Variants in ST3GAL2 observed in about 807,000 individuals in gnomAD.
The protein encoded by ST3GAL2 is ST3 beta-galactoside alpha-2,3-sialyltransferase 2, also known as CMP-N-acetylneuraminate-beta-galactosamide-alpha-2,3-sialyltransferase 2.
Under a neutral mutation model 37.5 loss-of-function variants are expected in ST3GAL2, and 16 were observed. That is an observed-to-expected ratio of 0.43 (90% CI 0.29 to 0.65). The LOEUF (loss-of-function observed/expected upper bound fraction) is 0.65, where lower values mean the gene tolerates loss of function less well. Among genes scored for constraint, ST3GAL2 ranks in the 30% least tolerant of loss-of-function variants. ST3GAL2 has a pLI of 0.17. For missense variants in ST3GAL2, 383 were observed against 487.8 expected, an observed-to-expected ratio of 0.79 and a Z score of 2.02; for synonymous variants, 238 against 202.9, an observed-to-expected ratio of 1.17 and a Z score of -1.47.
At chr16:70,406,932 C>T (rs1317116394) in intron 1 of ST3GAL2, among the ~76,000 whole-genome samples, 3 of 152,006 alleles carry the variant, frequency 2.0e-5, no homozygotes, top group South Asian at 2.1e-4. Flanking sequence ...GAACAAAGGC[C>T]GGGAGCAGCA....
chr16:70,393,766 C>T (rs1343179552), intron 3 of ST3GAL2: 1 of 152,368 alleles, frequency 6.6e-6, no homozygotes, highest in South Asian at 2.1e-4. Context: ...CTCCCACTTG[C>T]ACCATTTCCC....
intron 1 of ST3GAL2, among the ~76,000 whole-genome samples, chr16:70,407,176 G>A (rs1030913933): frequency 6.7e-6 from 1 of 149,998 alleles, no homozygotes; most frequent in Non-Finnish European, 1.5e-5. Flanking sequence ...AGTCTCACTC[G>A]GTTGCCCAGG....
chr16:70,389,202 CAAAAAAAAAAAAAAAAAAAAAAAAAA>C (rs1160368910), intron 3 of ST3GAL2, among the ~76,000 whole-genome samples: 487 of 27,394 alleles, frequency 0.018, 12 homozygotes, highest in Middle Eastern at 0.045. Context: ...CCCATCTCTA[CAAAAAAAAAAAAAAAAAAAAAAAAAA>C]AAAAAAAAAA....
intron 1 of ST3GAL2, among the ~76,000 whole-genome samples, chr16:70,435,466 C>T (rs760564060): frequency 3.3e-5 from 5 of 151,882 alleles, no homozygotes; most frequent in Non-Finnish European, 7.4e-5. Flanking sequence ...GGCGTGGTGG[C>T]GCATGCCTGT....
chr16:70,405,990 G>C (rs1324290003), intron 1 of ST3GAL2, among the ~76,000 whole-genome samples: 1 of 151,950 alleles, frequency 6.6e-6, no homozygotes, highest in South Asian at 2.1e-4. Flanking sequence ...GAACCCGGGA[G>C]GCAGAGCTTG....
chr16:70,437,251 CCACA>C (rs1160971501), intron 1 of ST3GAL2, among the ~76,000 whole-genome samples: 1 of 152,214 alleles, frequency 6.6e-6, no homozygotes, highest in Non-Finnish European at 1.5e-5. Context: ...ACATAAACAC[CCACA>C]CAGACAGTTG....
chr16:70,383,049 G>A lies in ST3GAL2; in HGVS notation c.760-125C>T. On this transcript the variant is annotated intron_variant, in intron 5 of 6. Transcript: ENST00000342907. ...GCGTCTGTGTCTCCTGAATCGTGTG[G>A]CACCTGCTAGGGTCAGGCATCTCGG... is the stretch of plus-strand genomic sequence containing the variant. 1.9e-6 allele frequency: 3 copies of A among 1,581,406 alleles called. No homozygotes were observed. The Admixed American group carries it at 5.4e-5, about 29-fold the overall frequency.
In ST3GAL2 at chr16:70,388,498, T is replaced by A. The variant is rs1029079161; in HGVS notation, c.582A>T (p.Arg194=). The A allele has an allele frequency of 9.3e-6, 15 of 1,613,052 alleles. No individual in the cohort carries two copies. The highest frequency in any genetic ancestry group is 1.1e-5 in the Non-Finnish European group (13 of 1,179,400). The part of the protein sequence containing the change: ...TVGFEQDVGS[R]TTHHFMYPES... ...CAGGGTACATGAAATGGTGGGTGGT[T>A]CGGCTGCCAACATCCTGCTCAAAGC... Residue 194 remains arginine, a synonymous_variant, in exon 4 of 7, where the codon CGA becomes CGT. Coordinates refer to ENST00000342907, the MANE Select transcript of ST3GAL2 (RefSeq NM_006927.4).
rs567600931 is a variant in ST3GAL2, at chr16:70,381,927, C to A, written c.880-65G>T. The A allele has an allele frequency of 7.0e-5, 111 of 1,593,660 alleles. No individual in the cohort carries two copies. The East Asian group carries it at 2.3e-3, about 33-fold the overall frequency. ...CCTGGAGGATGGCGCGGGGCGGGCT[C>A]GGGATGACAGGGAGGAGAGGGGACG... On this transcript the variant is annotated intron_variant, in intron 6 of 6. Coordinates refer to ENST00000342907, the MANE Select transcript of ST3GAL2 (RefSeq NM_006927.4).
chr16:70,405,398 G>A (rs1171531182), intron 1 of ST3GAL2, among the ~76,000 whole-genome samples: 4 of 151,726 alleles, frequency 2.6e-5, no homozygotes, highest in African/African-American at 4.8e-5. Flanking sequence ...AAAATTAGCC[G>A]GGCATGGTGG....
At chr16:70,430,379 A>T (rs2047781204) in intron 1 of ST3GAL2, among the ~76,000 whole-genome samples, 1 of 152,250 alleles carries the variant, frequency 6.6e-6, no homozygotes, top group African/African-American at 2.4e-5. Flanking sequence ...TTTAAGGACA[A>T]GAGTAAATTG....
Position 70,388,529 on chromosome 16 carries a change from G to A in ST3GAL2, c.551C>T (p.Thr184Ile). The stretch of plus-strand genomic sequence containing the variant: ...GCCAACATCCTGCTCAAAGCCCACG[G>A]TTGGCGCCTGATTCATCCTGCAGGG... ...NFIMRMNQAP[T>I]VGFEQDVGSR... The change falls in exon 4 of 7, where the codon ACC becomes ATC. Residue 184 changes from threonine (T) to isoleucine (I), a missense_variant. By Grantham distance (89) the Thr-to-Ile change is moderately conservative (BLOSUM62 -1). This residue lies in a region of ST3GAL2 where 160 missense variants were observed against 248.6 expected (regional missense o/e 0.64). Transcript: ENST00000342907. 6.3e-7 allele frequency: 1 copy of A among 1,598,298 alleles called. No individual in the cohort carries two copies. The highest frequency in any genetic ancestry group is 8.5e-7 in the Non-Finnish European group (1 of 1,170,558).
intron 1 of ST3GAL2, 42 bp from the exon 2 acceptor site, chr16:70,399,575 A>G (rs138801885): frequency 3.1e-4 from 122 of 396,976 alleles, no homozygotes; most frequent in Non-Finnish European, 4.8e-4. Context: ...GATGAATCAC[A>G]CGGGCACCAG....
chr16:70,385,810 C>A (rs1376987637), intron 4 of ST3GAL2, among the ~76,000 whole-genome samples: 1 of 141,790 alleles, frequency 7.1e-6, no homozygotes, highest in East Asian at 2.1e-4. Context: ...TTCAAGTGAT[C>A]CGATCCTCCC....
intron 1 of ST3GAL2, among the ~76,000 whole-genome samples, chr16:70,410,020 G>A (rs755213633): frequency 6.6e-6 from 1 of 151,344 alleles, no homozygotes; most frequent in Non-Finnish European, 1.5e-5. Context: ...TCCCAACGTG[G>A]CCTCCCAAAG....
At chr16:70,430,807 C>G (rs547068870) in intron 1 of ST3GAL2, among the ~76,000 whole-genome samples, 6 of 152,218 alleles carry the variant, frequency 3.9e-5, no homozygotes, top group African/African-American at 1.4e-4. Context: ...CCGGGGTTCT[C>G]TCCTCTCCCT....
At chr16:70,424,929 A>G (rs1173144845) in intron 1 of ST3GAL2, among the ~76,000 whole-genome samples, 1 of 152,114 alleles carries the variant, frequency 6.6e-6, no homozygotes, top group Middle Eastern at 3.2e-3. Context: ...CTGTGTCCAA[A>G]CCTGGACCAG....
intron 1 of ST3GAL2, among the ~76,000 whole-genome samples, chr16:70,407,330 G>A (rs1480622074): frequency 6.6e-6 from 1 of 152,112 alleles, no homozygotes; most frequent in Non-Finnish European, 1.5e-5. Context: ...CAACAGAGAT[G>A]AGGTTTCGCC....
chr16:70,417,990 C>G (rs1379956012), intron 1 of ST3GAL2, among the ~76,000 whole-genome samples: 1 of 152,132 alleles, frequency 6.6e-6, no homozygotes, highest in African/African-American at 2.4e-5. Flanking sequence ...GGCTGCTCAT[C>G]ACTGCTTATG....
Sources: gnomAD v4.1 joint callset for allele counts (sites outside exome capture counted in the v4.1 genomes callset) on GRCh38, gnomAD v4.1.1 for gene constraint, gnomAD v4.1.1 regional missense constraint, MANE v1.5 for transcripts, NCBI Gene and HGNC (gene_info 2026-07-23, HGNC 2026-07-21) for gene names.